Variants in ARHGEF1 observed in about 807,000 individuals in gnomAD.
ARHGEF1 encodes Rho guanine nucleotide exchange factor 1.
ARHGEF1 carries 40 observed loss-of-function variants against 119.7 expected under a neutral mutation model. The ratio of observed to expected loss-of-function variants is 0.33; its 90% CI spans 0.26 to 0.44. The LOEUF is 0.44. Ranked by LOEUF, ARHGEF1 falls within the 20% of genes least tolerant of loss-of-function variation. The pLI is 1.00. For synonymous variants in ARHGEF1, 494 were observed against 521.0 expected (o/e 0.95, Z 0.71); for missense variants, 976 against 1,268.3 (o/e 0.77, Z 3.50).
At chr19:41,911,526 C>T (rs1256506783), downstream of ARHGEF1, among the ~76,000 whole-genome samples, 1 of 152,208 alleles carries the variant, frequency 6.6e-6, no homozygotes. Flanking sequence ...AGGGTCCCAC[C>T]CAGGCTGCCT....
rs2074663455 is a variant in ARHGEF1, at chr19:41,904,782, A to G, written c.2162-167A>G. ...TAAGGAGGTGTGAGAGGTGGGGCTCAGGAGGACACATCGGGCCCTGGATAT... is the reference window on the plus strand; with the variant it reads ...TAAGGAGGTGTGAGAGGTGGGGCTCGGGAGGACACATCGGGCCCTGGATAT... On this transcript the variant is annotated intron_variant, in intron 22 of 28. Transcript: ENST00000354532. The surrounding 1 kb of genome is among the most constrained non-coding windows in gnomAD (Gnocchi z 8.4). 6.6e-6 allele frequency among the ~76,000 whole-genome samples: 1 copy of G among 152,142 alleles called. No individual in the cohort carries two copies. The highest frequency in any genetic ancestry group is 1.9e-4 in the East Asian group (1 of 5,192).
downstream of ARHGEF1, among the ~76,000 whole-genome samples, chr19:41,908,855 TC>T (rs2074735123): frequency 6.7e-6 from 1 of 150,000 alleles, no homozygotes; most frequent in African/African-American, 2.5e-5. The surrounding 1 kb of genome is among the most constrained non-coding windows in gnomAD (Gnocchi z 6.7). Flanking sequence ...GTCTTCCCAT[TC>T]CTTAGGCACC....
upstream of ARHGEF1, among the ~76,000 whole-genome samples, chr19:41,918,113 C>T (rs1312519777): frequency 5.3e-5 from 8 of 151,988 alleles, no homozygotes; most frequent in East Asian, 1.5e-3. Context: ...ACGCCACCCC[C>T]ATTCCCACAC....
At chr19:41,922,591 G>T (rs959758037), upstream of ARHGEF1, among the ~76,000 whole-genome samples, 1 of 152,274 alleles carries the variant, frequency 6.6e-6, no homozygotes, top group South Asian at 2.1e-4. Flanking sequence ...ACTGGGAACC[G>T]GAGAGAGACT....
chr19:41,914,702 CT>C (rs1170979819), intron 18 of ARHGEF1, among the ~76,000 whole-genome samples: 4 of 15,574 alleles, frequency 2.6e-4, no homozygotes, highest in African/African-American at 7.6e-4. Context: ...TCTCCCTCCC[CT>C]TCCACCATCT....
rs1199146079 is a variant in ARHGEF1, at chr19:41,902,786, A to G, written c.1626A>G (p.Glu542=). The change falls in exon 18 of 29, where the codon GAA becomes GAG. Residue 542 remains glutamate (E), a splice_region_variant and synonymous_variant. Transcript: ENST00000354532. This position sits in a 1 kb window ranked among gnomAD's most constrained non-coding sequence, Gnocchi z 6.5. ...CAACACCAGCATGTTTCCCGCAGGA[A>G]GCTGAGAGCCGCCCGCGGTGCCGCC... ...KDPRFCAFVQ[E]AESRPRCRRL... 4 of 1,613,060 alleles carry G rather than the reference A, an allele frequency of 2.5e-6. No homozygotes were observed. The Admixed American group carries it at 6.7e-5, about 27-fold the overall frequency.
chr19:41,905,474 GTGTA>G lies in ARHGEF1; in HGVS notation c.2336+216_2336+219del. On this transcript the variant is annotated intron_variant, in intron 24 of 28. Transcript: ENST00000354532. This position sits in a 1 kb window ranked among gnomAD's most constrained non-coding sequence, Gnocchi z 6.4. ...CATGTGTGCGTGTGCATGTGTGTGC[GTGTA>G]TGGTGTGTGTGTATGCATATGTGTG... 1.6e-6 allele frequency: 1 copy of G among 613,700 alleles called. No individual in the cohort carries two copies. Among genetic ancestry groups the G allele is most frequent in the South Asian group, 2.0e-5 (1 of 51,004 alleles). The allele number at this position is 613,700 out of a possible 1,614,324, so 38.0% of individuals were successfully genotyped here.
intron 1 of ARHGEF1, among the ~76,000 whole-genome samples, chr19:41,884,790 C>T (rs1318966352): frequency 8.5e-5 from 13 of 152,162 alleles, no homozygotes; most frequent in African/African-American, 3.1e-4. Flanking sequence ...TCTCGGGACC[C>T]ACCACGCACC....
chr19:41,906,426 C>T lies in ARHGEF1; in HGVS notation c.2492-31C>T. On this transcript the variant is annotated intron_variant, in intron 26 of 28. Transcript: ENST00000354532. This position sits in a 1 kb window ranked among gnomAD's most constrained non-coding sequence, Gnocchi z 4.5. ...AGATCCCAGCCCAGCCCCCTGGTCT[C>T]CTGACTCCACCCCTCCTTGCCCCTG... The T allele has an allele frequency of 1.3e-6, 2 of 1,528,160 alleles. No individual in the cohort carries two copies. Among genetic ancestry groups the T allele is most frequent in the Non-Finnish European group, 1.8e-6 (2 of 1,142,584 alleles). The allele number at this position is 1,528,160 out of a possible 1,614,324, so 94.7% of individuals were successfully genotyped here. A position where few individuals can be genotyped will look rare whatever the true frequency, so the allele number is the denominator to read the frequency against.
chr19:41,898,701 T>G, intron 14 of ARHGEF1, 114 bp downstream of exon 14: 1 of 1,351,922 alleles, frequency 7.4e-7, no homozygotes, highest in Non-Finnish European at 9.8e-7. Context: ...TCGGGAGAAC[T>G]TGAAGGCAGC....
At chr19:41,915,824 G>A (rs1327306001) in intron 18 of ARHGEF1, among the ~76,000 whole-genome samples, 1 of 152,124 alleles carries the variant, frequency 6.6e-6, no homozygotes, top group Non-Finnish European at 1.5e-5. Context: ...AGCGCGGCCT[G>A]CGGGGCCTGG....
Position 41,895,339 on chromosome 19 carries a change from G to C in ARHGEF1, c.878-10G>C, listed in dbSNP as rs782661884. 4 of 1,598,810 alleles carry C rather than the reference G, an allele frequency of 2.5e-6. No homozygotes were observed. The East Asian group carries it at 6.7e-5, about 27-fold the overall frequency. On this transcript the variant is annotated splice_polypyrimidine_tract_variant and intron_variant, in intron 11 of 28. Coordinates refer to ENST00000354532, the MANE Select transcript of ARHGEF1 (RefSeq NM_004706.4). The stretch of plus-strand genomic sequence containing the variant: ...CTTATCTCCCTCTTTCTCCCTCACT[G>C]TCTCCCCAGCCGAGAAGCCAGGTGC...
chr19:41,899,936 C>A (rs1555848716), intron 14 of ARHGEF1, among the ~76,000 whole-genome samples: 2 of 145,134 alleles, frequency 1.4e-5, no homozygotes, highest in African/African-American at 2.7e-5. Context: ...AAAAAAAAAA[C>A]ATGAGCCATG....
Position 41,904,023 on chromosome 19 carries a change from C to G in ARHGEF1, c.1918-12C>G, listed in dbSNP as rs782395295. 31 of 1,613,926 alleles carry G rather than the reference C, an allele frequency of 1.9e-5. No individual in the cohort carries two copies. The East Asian group carries it at 6.0e-4, about 31-fold the overall frequency. ...GCCAACCTGCACAAACCATCACCCC[C>G]TCCTGCCCCAGAACCTGGACATCAC... On this transcript the variant is annotated splice_polypyrimidine_tract_variant and intron_variant, in intron 20 of 28. Transcript: ENST00000354532. This position sits in a 1 kb window ranked among gnomAD's most constrained non-coding sequence, Gnocchi z 8.4.
chr19:41,911,939 GAC>G (rs1230569951), downstream of ARHGEF1, among the ~76,000 whole-genome samples: 1 of 151,556 alleles, frequency 6.6e-6, no homozygotes, highest in Non-Finnish European at 1.5e-5. Flanking sequence ...CTGAAAACCA[GAC>G]ACAGCCCCCA....
At position 41,917,437 on chromosome 19, in the gene ARHGEF1, T is replaced by C. The variant is rs1246020495; in HGVS notation, c.1866-5655T>C. Among the ~76,000 whole-genome samples the C allele has an allele frequency of 1.3e-5, 2 of 151,682 alleles. No homozygotes were observed. The highest frequency in any genetic ancestry group is 3.9e-4 in the East Asian group (2 of 5,150). On this transcript the variant is annotated intron_variant, in intron 18 of 20. Coordinates refer to the ARHGEF1 transcript ENST00000599589. The surrounding 1 kb of genome is among the most constrained non-coding windows in gnomAD (Gnocchi z 4.8). Reference sequence around the variant, plus strand: ...GCCGCCTCGGGAGCCGCCTCGGGCCTCGCACCCCCACCACCAGCCCCTTCA... The same window carrying C: ...GCCGCCTCGGGAGCCGCCTCGGGCCCCGCACCCCCACCACCAGCCCCTTCA...
intron 18 of ARHGEF1, among the ~76,000 whole-genome samples, chr19:41,915,711 GTC>G (rs1168464399): frequency 6.6e-6 from 1 of 151,982 alleles, no homozygotes; most frequent in Non-Finnish European, 1.5e-5. Flanking sequence ...CTATGTCTCT[GTC>G]TCTGTTTCTG....
exon 2 of ARHGEF1, chr19:41,928,890 C>A (rs977590235): frequency 4.4e-6 from 2 of 456,180 alleles, no homozygotes; most frequent in Admixed American, 4.7e-5. Flanking sequence ...GTCCAGGACC[C>A]CTGCTGGACA....
chr19:41,883,250 A>G lies in ARHGEF1; in HGVS notation c.-59A>G. 5.0e-6 allele frequency: 1 copy of G among 199,056 alleles called. No individual in the cohort carries two copies. 12.3% of individuals were successfully genotyped at this position (199,056 alleles called of 1,614,324 possible). A position where few individuals can be genotyped will look rare whatever the true frequency, so the allele number is the denominator to read the frequency against. On this transcript the variant is annotated 5_prime_UTR_variant, in exon 1 of 29. Coordinates refer to ENST00000354532, the MANE Select transcript of ARHGEF1 (RefSeq NM_004706.4). This position sits in a 1 kb window ranked among gnomAD's most constrained non-coding sequence, Gnocchi z 7.6. ...CCAGGGCCCGGGATCGCCGAGCCCG[A>G]CCTCGGGCGCCCCGCCGGTCACCTC...
Sources: allele counts gnomAD v4.1 joint callset (sites outside exome capture counted in the v4.1 genomes callset), GRCh38; gene constraint gnomAD v4.1.1; non-coding constraint Gnocchi (gnomAD v3.1); transcripts MANE v1.5; gene names NCBI Gene and HGNC (gene_info 2026-07-23, HGNC 2026-07-21).